The following FAT3 variants were observed in gnomAD, a reference collection of about 807,000 sequenced individuals.
FAT3 encodes protocadherin Fat 3.
FAT3 carries 95 observed loss-of-function variants against 310.2 expected under a neutral mutation model. The observed-to-expected ratio is 0.31, with a 90% CI of 0.26 to 0.36. FAT3 has a LOEUF of 0.36. Among genes scored for constraint, FAT3 ranks in the 10% least tolerant of loss-of-function variants. The pLI is 1.00. For synonymous variants in FAT3, 2,314 were observed against 2,192.9 expected, an observed-to-expected ratio of 1.06 and a Z score of -1.54; for missense variants, 5,408 against 5,715.6, an observed-to-expected ratio of 0.95 and a Z score of 1.74.
chr11:92,257,343 A>G (rs1225077977), intron 1 of FAT3, among the ~76,000 whole-genome samples: 2 of 152,096 alleles, frequency 1.3e-5, no homozygotes, highest in South Asian at 2.1e-4. Context: ...TTGCAGTGGT[A>G]CCAGGTTTAG....
chr11:92,460,561 A>C (rs1951610455), intron 2 of FAT3, among the ~76,000 whole-genome samples: 1 of 152,214 alleles, frequency 6.6e-6, no homozygotes, highest in Non-Finnish European at 1.5e-5. Flanking sequence ...TTTGTATGAA[A>C]TTGAAAACTT....
chr11:92,705,288 AGTGGTGATGGTGGTGGTGTGATGATG>A (rs1391465435), intron 4 of FAT3, among the ~76,000 whole-genome samples: 3 of 146,198 alleles, frequency 2.1e-5, no homozygotes, highest in Non-Finnish European at 3.0e-5. Context: ...CTAAACAAGG[AGTGGTGATGGTGGTGGTGTGATGATG>A]GTGGTGATGG....
chr11:92,637,968 A>G (rs1348270849), intron 3 of FAT3, among the ~76,000 whole-genome samples: 1 of 152,226 alleles, frequency 6.6e-6, no homozygotes, highest in Admixed American at 6.5e-5. Context: ...AATATACTGC[A>G]TATCCCTCCT....
intron 12 of FAT3, among the ~76,000 whole-genome samples, 178 bp downstream of exon 12, chr11:92,806,693 T>G (rs1947516538): frequency 6.6e-6 from 1 of 152,116 alleles, no homozygotes; most frequent in Non-Finnish European, 1.5e-5. Context: ...CACAGACAGA[T>G]TAACAGGAGA....
chr11:92,467,325 A>C lies in FAT3; in HGVS notation c.3293-57309A>C, dbSNP rs866513035. Among the ~76,000 whole-genome samples the C allele has an allele frequency of 8.0e-3, 1,214 of 151,940 alleles. 2 individuals carry two copies. Among genetic ancestry groups the C allele is most frequent in the Admixed American group, 0.011 (165 of 15,258 alleles). On this transcript the variant is annotated intron_variant, in intron 2 of 27. Transcript: ENST00000525166. ...GTTTTGATTTGCATTTCTCTGATGG[A>C]CAGTGATGGTGAGCATTTTTTCATG...
chr11:92,365,123 A>G (rs1321653315), intron 2 of FAT3, among the ~76,000 whole-genome samples: 1 of 152,134 alleles, frequency 6.6e-6, no homozygotes, highest in Non-Finnish European at 1.5e-5. Flanking sequence ...TAAAAAATTT[A>G]GCTGGGCATG....
chr11:92,650,488 T>C (rs972342955), intron 3 of FAT3, among the ~76,000 whole-genome samples: 1 of 152,198 alleles, frequency 6.6e-6, no homozygotes, highest in African/African-American at 2.4e-5. Flanking sequence ...GGAGTAGTGG[T>C]TCCTTAGCAC....
Position 92,354,736 on chromosome 11 carries a change from A to T in FAT3, c.2624A>T (p.Gln875Leu). The change falls in exon 2 of 28, where the codon CAG becomes CTG. Residue 875 changes from glutamine (Q) to leucine (L), a missense_variant. By Grantham distance (113) the Gln-to-Leu change is moderately radical. Around this residue, in one of 5 missense-constraint regions of FAT3, gnomAD observed 4,588 missense variants for 4,809.8 expected, o/e 0.95. Coordinates refer to ENST00000525166, the MANE Select transcript of FAT3 (RefSeq NM_001367949.2). The part of the protein sequence containing the change: ...EVTYSVLTDT[Q>L]QFAINSSTGI... ...ACTTACTCAGTCTTGACAGATACACAGCAGTTTGCCATCAATAGCTCAACT... is the reference window on the plus strand; with the variant it reads ...ACTTACTCAGTCTTGACAGATACACTGCAGTTTGCCATCAATAGCTCAACT... The T allele has an allele frequency of 6.2e-7, 1 of 1,613,958 alleles. No homozygotes were observed.
chr11:92,821,425 G>T (rs1947965374), intron 13 of FAT3, among the ~76,000 whole-genome samples: 1 of 152,058 alleles, frequency 6.6e-6, no homozygotes, highest in Admixed American at 6.6e-5. Context: ...TTTCTAACCT[G>T]CATAGGTCAC....
intron 22 of FAT3, among the ~76,000 whole-genome samples, chr11:92,877,859 A>C (rs1258866026): frequency 6.6e-6 from 1 of 152,202 alleles, no homozygotes; most frequent in East Asian, 1.9e-4. Context: ...ACATCTCAAT[A>C]AACTCATCAT....
In FAT3 at chr11:92,831,786, C is replaced by A; in HGVS notation, c.9646C>A (p.Leu3216Met). 1 of 1,613,512 alleles carries A rather than the reference C, an allele frequency of 6.2e-7. No homozygotes were observed. The highest frequency in any genetic ancestry group is 8.5e-7 in the Non-Finnish European group (1 of 1,179,752). Reference sequence around the variant, plus strand: ...CACTGACCAGAGTCCTGGACAGTCCCTGTCCTCTCTCACTACTGTCACCAT... The same window carrying A: ...CACTGACCAGAGTCCTGGACAGTCCATGTCCTCTCTCACTACTGTCACCAT... ...RATDQSPGQS[L>M]SSLTTVTITV... The change falls in exon 14 of 28, where the codon CTG becomes ATG. Residue 3216 changes from leucine to methionine, a missense_variant. This residue lies in a region of FAT3 where 4,588 missense variants were observed against 4,809.8 expected (regional missense o/e 0.95). Transcript: ENST00000525166.
In FAT3 at chr11:92,667,997, G is replaced by A. The variant is rs541530279; in HGVS notation, c.3608-29387G>A. 4.6e-5 allele frequency among the ~76,000 whole-genome samples: 7 copies of A among 152,348 alleles called. No individual in the cohort carries two copies. In the East Asian group the frequency reaches 1.4e-3, roughly 29 times the overall value. ...GTCTCAGGGAAGGGTAACAGGATGT[G>A]AGCCTGCCTTGGGCTCTCCATTAGG... On this transcript the variant is annotated intron_variant, in intron 3 of 27. Coordinates refer to ENST00000525166, the MANE Select transcript of FAT3 (RefSeq NM_001367949.2).
intron 2 of FAT3, among the ~76,000 whole-genome samples, chr11:92,378,956 G>A (rs2134752481): frequency 6.6e-6 from 1 of 152,198 alleles, no homozygotes; most frequent in South Asian, 2.1e-4. Flanking sequence ...ACTTTCCAAA[G>A]GCCCTACTTC....
chr11:92,524,180 TA>T (rs1467323771), intron 2 of FAT3, among the ~76,000 whole-genome samples: 2 of 152,166 alleles, frequency 1.3e-5, no homozygotes, highest in African/African-American at 4.8e-5. Flanking sequence ...AATGAACAGA[TA>T]AAATAATTTA....
At chr11:92,513,138 G>A (rs1339968538) in intron 2 of FAT3, among the ~76,000 whole-genome samples, 5 of 145,184 alleles carry the variant, frequency 3.4e-5, no homozygotes, top group Admixed American at 7.0e-5. Context: ...AAAAAAAAAA[G>A]ATTATCTCCA....
At chr11:92,725,254 G>T (rs551586542) in intron 4 of FAT3, among the ~76,000 whole-genome samples, 1 of 152,228 alleles carries the variant, frequency 6.6e-6, no homozygotes, top group East Asian at 1.9e-4. Flanking sequence ...AAATATGGGG[G>T]ACTGAATGCT....
intron 2 of FAT3, among the ~76,000 whole-genome samples, chr11:92,440,107 T>A (rs1951033621): frequency 6.6e-6 from 1 of 151,718 alleles, no homozygotes; most frequent in Non-Finnish European, 1.5e-5. Context: ...GAGTGAGAGG[T>A]GTGTTCTAGA....
chr11:92,313,271 C>T (rs1403070367), intron 1 of FAT3, among the ~76,000 whole-genome samples: 2 of 152,146 alleles, frequency 1.3e-5, no homozygotes, highest in African/African-American at 4.8e-5. Context: ...TTTAGGAGCC[C>T]CACCCATCCA....
chr11:92,555,141 A>T (rs747003255), intron 3 of FAT3, among the ~76,000 whole-genome samples: 1 of 152,202 alleles, frequency 6.6e-6, no homozygotes, highest in Non-Finnish European at 1.5e-5. Flanking sequence ...GGTGCTTTCA[A>T]TTGAAAATTT....
Sources: gnomAD v4.1 joint callset for allele counts (sites outside exome capture counted in the v4.1 genomes callset) on GRCh38, gnomAD v4.1.1 for gene constraint, gnomAD v4.1.1 regional missense constraint, MANE v1.5 for transcripts, NCBI Gene and HGNC (gene_info 2026-07-23, HGNC 2026-07-21) for gene names.